PDSS2: variants seen among roughly 807,000 people sequenced by gnomAD.
PDSS2 encodes all trans-polyprenyl-diphosphate synthase PDSS2.
In PDSS2, 31 loss-of-function variants were observed where a neutral mutation model predicts 44.5. The ratio of observed to expected loss-of-function variants is 0.70; its 90% CI spans 0.52 to 0.94. The LOEUF (loss-of-function observed/expected upper bound fraction) is 0.94. Ranked by LOEUF, PDSS2 falls within the 40% of genes least tolerant of loss-of-function variation. The pLI, the probability that PDSS2 is intolerant of heterozygous loss-of-function variation, is 0.00. For missense variants in PDSS2, 452 were observed against 482.2 expected, an observed-to-expected ratio of 0.94 and a Z score of 0.59; for synonymous variants, 157 against 180.3, an observed-to-expected ratio of 0.87 and a Z score of 1.03.
chr6:107,178,894 A>G (rs1771880622), intron 7 of PDSS2, among the ~76,000 whole-genome samples: 1 of 152,202 alleles, frequency 6.6e-6, no homozygotes, highest in Admixed American at 6.5e-5. Flanking sequence ...CACATTGTGA[A>G]GTCAGCAGAC....
chr6:107,350,501 A>G (rs73513133), intron 1 of PDSS2, among the ~76,000 whole-genome samples: 4,216 of 152,346 alleles, frequency 0.028, 216 homozygotes, highest in African/African-American at 0.096. Flanking sequence ...TTTAGCTGAT[A>G]AGCAAATGAT....
intron 4 of PDSS2, among the ~76,000 whole-genome samples, chr6:107,218,003 CA>C (rs1043606177): frequency 1.3e-5 from 2 of 152,200 alleles, no homozygotes; most frequent in African/African-American, 4.8e-5. Context: ...ATTCACTAAT[CA>C]AAATCTGCCA....
chr6:107,214,725 C>T (rs1773355647), intron 4 of PDSS2, among the ~76,000 whole-genome samples: 1 of 152,166 alleles, frequency 6.6e-6, no homozygotes, highest in Admixed American at 6.5e-5. Context: ...GAGCCCCCTC[C>T]TCTTCTGCCA....
At chr6:107,417,287 C>T (rs940971985) in intron 1 of PDSS2, among the ~76,000 whole-genome samples, 3 of 152,064 alleles carry the variant, frequency 2.0e-5, no homozygotes, top group African/African-American at 7.2e-5. Flanking sequence ...AAAAATCTTT[C>T]TAAAATGATA....
intron 4 of PDSS2, among the ~76,000 whole-genome samples, chr6:107,232,950 G>A (rs1317968177): frequency 6.6e-6 from 1 of 151,628 alleles, no homozygotes; most frequent in Admixed American, 6.6e-5. Flanking sequence ...GCCTCCCAAG[G>A]AGCCACAGGC....
intron 1 of PDSS2, among the ~76,000 whole-genome samples, chr6:107,447,371 T>C (rs1781721425): frequency 6.6e-6 from 1 of 152,002 alleles, no homozygotes; most frequent in Non-Finnish European, 1.5e-5. Context: ...GCAAGTGCAT[T>C]ACTACCTAGA....
intron 2 of PDSS2, among the ~76,000 whole-genome samples, chr6:107,321,307 T>C (rs757635437): frequency 4.6e-5 from 7 of 152,110 alleles, no homozygotes; most frequent in Non-Finnish European, 8.8e-5. Flanking sequence ...CAAAATGTAA[T>C]AGAGGCCTCA....
At chr6:107,297,784 T>G (rs2115048061) in intron 2 of PDSS2, among the ~76,000 whole-genome samples, 1 of 150,360 alleles carries the variant, frequency 6.7e-6, no homozygotes, top group Admixed American at 6.6e-5. Flanking sequence ...CTCACTCTGT[T>G]GCCCAGGCTG....
In PDSS2 at chr6:107,407,935, G is replaced by A. The variant is rs139233967; in HGVS notation, c.296+51055C>T. Among the ~76,000 whole-genome samples the A allele has an allele frequency of 5.0e-3, 759 of 152,186 alleles. 2 individuals are homozygous for A. The highest frequency in any genetic ancestry group is 7.6e-3 in the Non-Finnish European group (518 of 68,000). On this transcript the variant is annotated intron_variant, in intron 1 of 7. Transcript: ENST00000369037. ...AGGCTGATTTCGAGCTCCTGACCTCGTGATCCGCCTGCCTAGGACTCCCAA... is the reference window on the plus strand; with the variant it reads ...AGGCTGATTTCGAGCTCCTGACCTCATGATCCGCCTGCCTAGGACTCCCAA...
chr6:107,241,966 T>C (rs1774450535), intron 4 of PDSS2, among the ~76,000 whole-genome samples: 1 of 152,166 alleles, frequency 6.6e-6, no homozygotes, highest in Non-Finnish European at 1.5e-5. Context: ...CCACATGACC[T>C]CCACTTGTGG....
chr6:107,415,234 A>T (rs1780620971), intron 1 of PDSS2, among the ~76,000 whole-genome samples: 1 of 152,110 alleles, frequency 6.6e-6, no homozygotes, highest in Non-Finnish European at 1.5e-5. Flanking sequence ...TGCATGCCCA[A>T]ACCAATTTCC....
intron 1 of PDSS2, among the ~76,000 whole-genome samples, chr6:107,336,128 A>T (rs1412808485): frequency 6.6e-6 from 1 of 151,752 alleles, no homozygotes; most frequent in Non-Finnish European, 1.5e-5. Flanking sequence ...GGTGGCAGGT[A>T]CCTGTAATCT....
At chr6:107,363,026 G>A (rs1165071995) in intron 1 of PDSS2, among the ~76,000 whole-genome samples, 1 of 152,076 alleles carries the variant, frequency 6.6e-6, no homozygotes, top group Non-Finnish European at 1.5e-5. Context: ...AAGCTTCAGA[G>A]AACTACCAGA....
chr6:107,165,406 A>G (rs1443709831), intron 7 of PDSS2, among the ~76,000 whole-genome samples: 2 of 152,208 alleles, frequency 1.3e-5, no homozygotes, highest in African/African-American at 4.8e-5. Flanking sequence ...TCCCAGCACC[A>G]TTTATTAAAT....
intron 6 of PDSS2, among the ~76,000 whole-genome samples, chr6:107,201,381 A>T (rs936456357): frequency 7.2e-6 from 1 of 139,676 alleles, no homozygotes; most frequent in Admixed American, 7.5e-5. Flanking sequence ...ACAATATTCC[A>T]TACAAAAGCA....
intron 2 of PDSS2, among the ~76,000 whole-genome samples, chr6:107,280,298 C>A (rs913777079): frequency 6.6e-6 from 1 of 151,954 alleles, no homozygotes. Context: ...CTGACCTCAA[C>A]TGATCCACCC....
chr6:107,314,693 C>A (rs1777147967), intron 2 of PDSS2, among the ~76,000 whole-genome samples: 1 of 152,236 alleles, frequency 6.6e-6, no homozygotes, highest in Non-Finnish European at 1.5e-5. Flanking sequence ...TCTGCCCCCA[C>A]AAGCACAGTC....
At position 107,325,157 on chromosome 6, in the gene PDSS2, T is replaced by C. The variant is rs994234951; in HGVS notation, c.431+9041A>G. 1.8e-4 allele frequency among the ~76,000 whole-genome samples: 27 copies of C among 152,294 alleles called. No homozygotes were observed. In the East Asian group the frequency reaches 4.8e-3, roughly 27 times the overall value. The stretch of plus-strand genomic sequence containing the variant: ...TCTATCACTTCCTCTAACACCACAC[T>C]AAGCGTAACCAATTTTCACTTAGAG... On this transcript the variant is annotated intron_variant, in intron 2 of 7. Coordinates refer to ENST00000369037, the MANE Select transcript of PDSS2 (RefSeq NM_020381.4).
At chr6:107,455,261 C>G (rs748449065) in intron 1 of PDSS2, among the ~76,000 whole-genome samples, 2 of 149,442 alleles carry the variant, frequency 1.3e-5, no homozygotes, top group African/African-American at 2.5e-5. Context: ...TCTCCAAACC[C>G]TCATCTGATG....
Sources: allele counts gnomAD v4.1 joint callset (sites outside exome capture counted in the v4.1 genomes callset), GRCh38; gene constraint gnomAD v4.1.1; transcripts MANE v1.5; gene names NCBI Gene and HGNC (gene_info 2026-07-23, HGNC 2026-07-21).